Variants in ST7L observed in about 807,000 individuals in gnomAD.
ST7L encodes suppression of tumorigenicity 7 like.
ST7L carries 57 observed loss-of-function variants against 72.5 expected under a neutral mutation model. The ratio of observed to expected loss-of-function variants is 0.79; its 90% CI spans 0.64 to 0.98. The LOEUF (loss-of-function observed/expected upper bound fraction) is 0.98. Ranked by LOEUF, ST7L falls within the 50% of genes least tolerant of loss-of-function variation. The pLI is 0.00. For missense variants in ST7L, 576 were observed against 672.2 expected (o/e 0.86, Z 1.58); for synonymous variants, 221 against 240.9 (o/e 0.92, Z 0.77).
intron 5 of ST7L, among the ~76,000 whole-genome samples, chr1:112,596,548 C>T (rs1437710000): frequency 1.3e-5 from 2 of 152,206 alleles, no homozygotes; most frequent in Non-Finnish European, 2.9e-5. Flanking sequence ...TTGCTCAGAA[C>T]AGTGCCTGGC....
intron 11 of ST7L, among the ~76,000 whole-genome samples, chr1:112,558,604 T>C (rs1659575444): frequency 6.6e-6 from 1 of 152,250 alleles, no homozygotes; most frequent in South Asian, 2.1e-4. Context: ...CAATTTATTT[T>C]ACCAGATGTC....
At chr1:112,585,796 C>T (rs575088028) in intron 6 of ST7L, among the ~76,000 whole-genome samples, 3 of 151,908 alleles carry the variant, frequency 2.0e-5, no homozygotes, top group East Asian at 1.9e-4. Flanking sequence ...ATTAATTTCA[C>T]CTATTTCTTT....
chr1:112,618,115 T>G (rs1670220760), intron 1 of ST7L: 2 of 1,298,024 alleles, frequency 1.5e-6, no homozygotes, highest in Non-Finnish European at 2.0e-6. Flanking sequence ...TATCTTGTTC[T>G]GAGGTTGCTG....
rs140860424 is a variant in ST7L, at chr1:112,578,981, T to C, written c.1070-564A>G. ...CATCTTTGAGCTAGTAGCAACTTGT[T>C]TGACCTCAGTTTTCACCTCTCAAAA... On this transcript the variant is annotated intron_variant, in intron 9 of 14. Transcript: ENST00000358039. Among the ~76,000 whole-genome samples, 19 of 152,336 alleles carry C rather than the reference T, an allele frequency of 1.2e-4. No individual in the cohort carries two copies. The East Asian group carries it at 3.7e-3, about 29-fold the overall frequency.
chr1:112,612,897 C>T (rs1669292949), intron 2 of ST7L, among the ~76,000 whole-genome samples: 5 of 151,628 alleles, frequency 3.3e-5, no homozygotes. Context: ...GTGGGAGGAT[C>T]ACTTGAGGCT....
Position 112,610,986 on chromosome 1 carries a change from G to A in ST7L, c.306C>T (p.Tyr102=), listed in dbSNP as rs753894064. Residue 102 remains tyrosine (Y), a synonymous_variant, in exon 3 of 15, where the codon TAC becomes TAT. Transcript: ENST00000358039. The part of the protein sequence containing the change: ...SGLIFIFEWW[Y]FHKHGTSFIE... ...TAAAAGATGTGCCATGCTTATGGAA[G>A]TACCACCATTCAAATATCTATGACA... The A allele has an allele frequency of 2.7e-5, 43 of 1,613,806 alleles. No individual in the cohort carries two copies. The South Asian group carries it at 4.6e-4, about 17-fold the overall frequency.
chr1:112,574,069 C>T (rs191281546), intron 11 of ST7L, among the ~76,000 whole-genome samples: 82 of 149,262 alleles, frequency 5.5e-4, no homozygotes, highest in African/African-American at 1.9e-3. Flanking sequence ...CGCACCCCAC[C>T]ACACCCGGTT....
chr1:112,547,806 CGCTCGCTT>C (rs1553240635), intron 13 of ST7L, among the ~76,000 whole-genome samples: 16 of 151,438 alleles, frequency 1.1e-4, no homozygotes. Context: ...TCAGGTGATC[CGCTCGCTT>C]CAGCCTCCCA....
At chr1:112,521,509 G>C (rs1230765283), downstream of ST7L, 1 of 152,214 alleles carries the variant, frequency 6.6e-6, no homozygotes, top group Non-Finnish European at 1.5e-5. Flanking sequence ...TCTGGCTTTG[G>C]TAATTCTTTA....
At chr1:112,605,703 A>G (rs1668138598) in intron 3 of ST7L, among the ~76,000 whole-genome samples, 3 of 150,562 alleles carry the variant, frequency 2.0e-5, no homozygotes, top group Admixed American at 2.0e-4. Flanking sequence ...AAAAAAAAAG[A>G]GAAAAAGCTT....
At chr1:112,590,792 G>A (rs1192689289) in intron 6 of ST7L, among the ~76,000 whole-genome samples, 4 of 152,052 alleles carry the variant, frequency 2.6e-5, no homozygotes, top group Non-Finnish European at 4.4e-5. Flanking sequence ...ACAGAGCTAT[G>A]TTTTACTTAT....
Position 112,589,726 on chromosome 1 carries a change from G to A in ST7L, c.701+1799C>T, listed in dbSNP as rs115587083. 1.4e-3 allele frequency among the ~76,000 whole-genome samples: 220 copies of A among 152,286 alleles called. 1 individual carries two copies. The highest frequency in any genetic ancestry group is 5.0e-3 in the African/African-American group (207 of 41,562). On this transcript the variant is annotated intron_variant, in intron 6 of 14. Coordinates refer to ENST00000358039, the MANE Select transcript of ST7L (RefSeq NM_017744.5). The stretch of plus-strand genomic sequence containing the variant: ...CAAAAAGCAAAAGTATTTGCAGATG[G>A]GCTCTGTGTGGGTGCTAGGGCACAC...
intron 3 of ST7L, 29 bp downstream of exon 3, chr1:112,610,812 C>T: frequency 3.1e-6 from 5 of 1,610,130 alleles, no homozygotes; most frequent in Non-Finnish European, 3.4e-6. Flanking sequence ...AAATACACAG[C>T]TCTGAAAACA....
At chr1:112,591,482 TTTCC>T in intron 6 of ST7L, 39 bp downstream of exon 6, 2 of 1,553,092 alleles carry the variant, frequency 1.3e-6, no homozygotes, top group Non-Finnish European at 1.8e-6. Context: ...TTTGCCTTGG[TTTCC>T]TTCAAAATAA....
chr1:112,566,294 C>CTTTTTTTTTTTTTTTTTTTTTTTTTT (rs33915951), intron 11 of ST7L, among the ~76,000 whole-genome samples: 1 of 108,976 alleles, frequency 9.2e-6, no homozygotes, highest in Non-Finnish European at 1.7e-5. Flanking sequence ...TTTTCTTCTT[C>CTTTTTTTTTTTTTTTTTTTTTTTTTT]TTCTTTTTTT....
Position 112,525,945 on chromosome 1 carries a change from T to G in ST7L, c.*68A>C. On this transcript the variant is annotated 3_prime_UTR_variant, in exon 15 of 15. Coordinates refer to ENST00000358039, the MANE Select transcript of ST7L (RefSeq NM_017744.5). ...AACAACCCTGTGAGGTAGGGGTTACTGTCACTTTACAGATGCTGTTCAGAA... is the reference window on the plus strand; with the variant it reads ...AACAACCCTGTGAGGTAGGGGTTACGGTCACTTTACAGATGCTGTTCAGAA... 6.2e-7 allele frequency: 1 copy of G among 1,601,998 alleles called. No homozygotes were observed. The highest frequency in any genetic ancestry group is 8.5e-7 in the Non-Finnish European group (1 of 1,171,550).
intron 11 of ST7L, among the ~76,000 whole-genome samples, chr1:112,573,910 GTTT>G (rs920123003): frequency 3.3e-5 from 3 of 91,854 alleles, no homozygotes; most frequent in East Asian, 4.2e-4. Flanking sequence ...TTCTTTTCCT[GTTT>G]TTTTTTTTTT....
chr1:112,549,884 C>T (rs889784575), intron 13 of ST7L, among the ~76,000 whole-genome samples: 15 of 152,152 alleles, frequency 9.9e-5, no homozygotes, highest in African/African-American at 3.6e-4. Flanking sequence ...AGGGGGAAAG[C>T]ATTCAGTCTT....
At chr1:112,619,612 C>G (rs951223521), upstream of ST7L, 3 of 560,248 alleles carry the variant, frequency 5.4e-6, no homozygotes, top group Non-Finnish European at 9.5e-6. Context: ...ATGAGTGTAA[C>G]TCATTGGGAA....
Sources: allele counts gnomAD v4.1 joint callset (sites outside exome capture counted in the v4.1 genomes callset), GRCh38; gene constraint gnomAD v4.1.1; transcripts MANE v1.5; gene names NCBI Gene and HGNC (gene_info 2026-07-23, HGNC 2026-07-21).